Variants in SVOP observed in about 807,000 individuals in gnomAD.
SVOP encodes synaptic vesicle 2-related protein.
SVOP carries 17 observed loss-of-function variants against 69.1 expected under a neutral mutation model. The observed-to-expected ratio is 0.25, with a 90% CI of 0.17 to 0.37. The LOEUF (loss-of-function observed/expected upper bound fraction) is 0.37, where lower values mean the gene tolerates loss of function less well. SVOP is among the 10% of genes least tolerant of loss of function. SVOP has a pLI of 1.00. For missense variants in SVOP, 435 were observed against 597.5 expected, an observed-to-expected ratio of 0.73 and a Z score of 2.84; for synonymous variants, 238 against 238.6, an observed-to-expected ratio of 1.00 and a Z score of 0.02.
At chr12:108,955,692 A>C (rs2137418398) in intron 6 of SVOP, among the ~76,000 whole-genome samples, 1 of 152,334 alleles carries the variant, frequency 6.6e-6, no homozygotes, top group South Asian at 2.1e-4. Flanking sequence ...ACCTTGAGTC[A>C]TTCATCCGTC....
Position 108,938,935 on chromosome 12 carries a change from C to T in SVOP, c.789G>A (p.Arg263=). The part of the protein sequence containing the change: ...VLCFWLPESA[R]YDVLSGNQEK... Reference sequence around the variant, plus strand: ...CCTGGTTCCCTGACAGCACATCATACCTTGCACTTTCAGGCAGCCACTGGG... The same window carrying T: ...CCTGGTTCCCTGACAGCACATCATATCTTGCACTTTCAGGCAGCCACTGGG... The change falls in exon 9 of 16, where the codon AGG becomes AGA. Residue 263 remains arginine (R), a synonymous_variant. Transcript: ENST00000610966. The T allele has an allele frequency of 6.2e-7, 1 of 1,613,980 alleles. No homozygotes were observed. Among genetic ancestry groups the T allele is most frequent in the Non-Finnish European group, 8.5e-7 (1 of 1,179,868 alleles).
At chr12:108,958,257 G>A (rs1362529060) in intron 6 of SVOP, among the ~76,000 whole-genome samples, 1 of 150,994 alleles carries the variant, frequency 6.6e-6, no homozygotes, top group Non-Finnish European at 1.5e-5. Context: ...TCCTGCCTCA[G>A]CCTCCCAAAG....
At chr12:108,961,863 G>A (rs1009852083) in intron 5 of SVOP, among the ~76,000 whole-genome samples, 1 of 152,052 alleles carries the variant, frequency 6.6e-6, no homozygotes, top group African/African-American at 2.4e-5. Flanking sequence ...CTTTAGAACT[G>A]ATTTCTTTCT....
At chr12:108,992,767 T>C (rs1403570536) in intron 1 of SVOP, among the ~76,000 whole-genome samples, 3 of 152,062 alleles carry the variant, frequency 2.0e-5, no homozygotes, top group Non-Finnish European at 4.4e-5. Context: ...CACAGCTTAA[T>C]GGGTGTGGGG....
Position 108,997,619 on chromosome 12 carries a change from C to G in SVOP, c.36-13858G>C, listed in dbSNP as rs7397595. 7.3e-5 allele frequency among the ~76,000 whole-genome samples: 11 copies of G among 151,496 alleles called. No homozygotes were observed. The East Asian group carries it at 1.7e-3, about 24-fold the overall frequency. On this transcript the variant is annotated intron_variant, in intron 1 of 15. Transcript: ENST00000610966. ...CAGCACGCAGCTGGAGATCTGAGAA[C>G]GGGCAGACTGCCTCCTCAAGTGGGT... is the stretch of plus-strand genomic sequence containing the variant.
Position 108,957,814 on chromosome 12 carries a change from G to A in SVOP, c.578+3109C>T, listed in dbSNP as rs138736417. On this transcript the variant is annotated intron_variant, in intron 6 of 15. Transcript: ENST00000610966. ...CAGCGAGAGTGCTCGCTGAAGCTGA[G>A]AGGAATTTAGAATGGGAAGCAGAGG... Among the ~76,000 whole-genome samples, 723 of 152,376 alleles carry A rather than the reference G, an allele frequency of 4.7e-3. 7 individuals carry two copies. Among genetic ancestry groups the A allele is most frequent in the African/African-American group, 0.016 (673 of 41,600 alleles).
intron 1 of SVOP, among the ~76,000 whole-genome samples, chr12:108,987,041 T>G (rs1328734310): frequency 1.3e-5 from 2 of 150,168 alleles, no homozygotes; most frequent in African/African-American, 5.1e-5. Context: ...CCATTATAAG[T>G]GTACAATTCA....
At chr12:108,918,434 A>G (rs2039727691) in intron 13 of SVOP, among the ~76,000 whole-genome samples, 1 of 152,226 alleles carries the variant, frequency 6.6e-6, no homozygotes, top group African/African-American at 2.4e-5. Context: ...CTGAGGGTGG[A>G]GCAGGAATTG....
intron 1 of SVOP, among the ~76,000 whole-genome samples, chr12:109,015,752 C>T (rs909830101): frequency 3.9e-5 from 6 of 152,106 alleles, no homozygotes; most frequent in Non-Finnish European, 5.9e-5. Flanking sequence ...GAGATCACAC[C>T]ACTGCACTCC....
At chr12:109,020,754 A>ACCCCCCCTCCC in intron 1 of SVOP, 80 bp downstream of exon 1, 1 of 237,612 alleles carries the variant, frequency 4.2e-6, no homozygotes, top group Non-Finnish European at 8.2e-6. Flanking sequence ...GCAGAGATGT[A>ACCCCCCCTCCC]CCCCCCCCCA....
At chr12:108,923,814 G>T (rs2039764423) in intron 11 of SVOP, among the ~76,000 whole-genome samples, 1 of 152,036 alleles carries the variant, frequency 6.6e-6, no homozygotes, top group East Asian at 1.9e-4. Flanking sequence ...GGCCAAAGAG[G>T]TGATGGAAAC....
intron 12 of SVOP, 48 bp downstream of exon 12, chr12:108,922,642 T>C (rs1002328453): frequency 4.2e-6 from 6 of 1,416,630 alleles, no homozygotes; most frequent in Non-Finnish European, 5.9e-6. Flanking sequence ...ACAATTGCCA[T>C]ATTCCCAGGC....
chr12:108,931,018 A>T (rs2137398229), intron 11 of SVOP, among the ~76,000 whole-genome samples: 1 of 152,304 alleles, frequency 6.6e-6, no homozygotes, highest in African/African-American at 2.4e-5. Flanking sequence ...GTTTTACGAC[A>T]TTCCCCTGAA....
At chr12:108,914,708 C>A (rs2137384495) in intron 15 of SVOP, among the ~76,000 whole-genome samples, 1 of 151,924 alleles carries the variant, frequency 6.6e-6, no homozygotes, top group South Asian at 2.1e-4. Flanking sequence ...AGGCACCTGC[C>A]ACCACACCTA....
At chr12:108,943,960 C>T (rs914183940) in intron 7 of SVOP, among the ~76,000 whole-genome samples, 28 of 151,948 alleles carry the variant, frequency 1.8e-4, no homozygotes, top group African/African-American at 6.0e-4. Flanking sequence ...CAGCTCACTG[C>T]AACTTCCACC....
At chr12:108,947,522 T>C (rs1028078604) in intron 6 of SVOP, among the ~76,000 whole-genome samples, 16 of 152,304 alleles carry the variant, frequency 1.1e-4, no homozygotes, top group Non-Finnish European at 1.6e-4. Context: ...CCTTCTCCAA[T>C]AATGGGAAAT....
chr12:108,925,543 T>A (rs1474529218), intron 11 of SVOP, among the ~76,000 whole-genome samples: 1 of 152,222 alleles, frequency 6.6e-6, no homozygotes, highest in African/African-American at 2.4e-5. Context: ...CTGTTATTCC[T>A]CTGCCTAAAA....
chr12:108,996,337 T>A (rs965117815), intron 1 of SVOP, among the ~76,000 whole-genome samples: 1 of 151,628 alleles, frequency 6.6e-6, no homozygotes, highest in Admixed American at 6.6e-5. Flanking sequence ...ATGAACATAT[T>A]ACTTGAGGTC....
intron 1 of SVOP, among the ~76,000 whole-genome samples, chr12:109,012,313 A>G (rs1387119255): frequency 6.6e-6 from 1 of 151,888 alleles, no homozygotes; most frequent in Non-Finnish European, 1.5e-5. Flanking sequence ...GACAGGAGAA[A>G]TAGGTTCAAG....
Sources: gnomAD v4.1 joint callset for allele counts (sites outside exome capture counted in the v4.1 genomes callset) on GRCh38, gnomAD v4.1.1 for gene constraint, MANE v1.5 for transcripts, NCBI Gene and HGNC (gene_info 2026-07-23, HGNC 2026-07-21) for gene names.